The following TCTN1 variants were observed in gnomAD, a reference collection of about 807,000 sequenced individuals.
TCTN1 encodes tectonic family member 1, also known as tectonic-1.
In TCTN1, 58 loss-of-function variants were observed where a neutral mutation model predicts 65.8. That is an observed-to-expected ratio of 0.88 (90% CI 0.71 to 1.10). The LOEUF is 1.10. Among genes scored for constraint, TCTN1 ranks in the 50% least tolerant of loss-of-function variants. TCTN1 has a pLI of 0.00. For missense variants in TCTN1, 645 were observed against 719.4 expected (o/e 0.90, Z 1.18); for synonymous variants, 273 against 289.1 (o/e 0.94, Z 0.57).
chr12:110,647,894 G>A lies in TCTN1; in HGVS notation c.*1+1G>A, dbSNP rs1012449234. 5 of 1,613,056 alleles carry A rather than the reference G, an allele frequency of 3.1e-6. No individual in the cohort carries two copies. Among genetic ancestry groups the A allele is most frequent in the Non-Finnish European group, 3.4e-6 (4 of 1,179,944 alleles). On this transcript the variant is annotated splice_donor_variant, in intron 14 of 14. Transcript: ENST00000397659. LOFTEE classifies it low-confidence loss of function (3UTR_SPLICE). ...AACTTCTTCTTCCCGTTTGTTTGAC[G>A]TAAGTGAGGAAACTACGCCCCTCCT...
intron 3 of TCTN1, among the ~76,000 whole-genome samples, chr12:110,627,623 G>A (rs1565974184): frequency 1.3e-5 from 2 of 152,044 alleles, no homozygotes; most frequent in East Asian, 1.9e-4. Flanking sequence ...ATATACATGT[G>A]TTTTTTTAAC....
chr12:110,638,407 A>G (rs1223623190), intron 7 of TCTN1, among the ~76,000 whole-genome samples: 1 of 152,242 alleles, frequency 6.6e-6, no homozygotes, highest in East Asian at 1.9e-4. Context: ...GATCAGGAGT[A>G]TAGAAATTGG....
In TCTN1 at chr12:110,614,208, T is replaced by C. The variant is rs2135827022; in HGVS notation, c.26T>C (p.Leu9Pro). 1.3e-6 allele frequency: 2 copies of C among 1,578,998 alleles called. No homozygotes were observed. The highest frequency in any genetic ancestry group is 1.7e-6 in the Non-Finnish European group (2 of 1,163,432). Residue 9 changes from leucine (L) to proline (P), a missense_variant, in exon 1 of 15, where the codon CTC (leucine) becomes CCC (proline). Physicochemically the swap from Leu to Pro is moderately conservative, Grantham distance 98 (BLOSUM62 -3). Transcript: ENST00000397659. ...ATGAGGCCGCGAGGTCTCCCGCCGC[T>C]CCTGGTGGTGCTCCTGGGCTGCTGG... is the stretch of plus-strand genomic sequence containing the variant. MRPRGLPP[L>P]LVVLLGCWAS...
chr12:110,626,575 A>G (rs1350674671), intron 3 of TCTN1, 83 bp downstream of exon 3: 3 of 1,400,254 alleles, frequency 2.1e-6, no homozygotes, highest in Middle Eastern at 2.4e-4. Context: ...GATTTATTTT[A>G]TAATTATGAT....
In TCTN1 at chr12:110,644,972, C is replaced by T. The variant is rs758597122; in HGVS notation, c.1337C>T (p.Thr446Ile). 2 of 1,614,266 alleles carry T rather than the reference C, an allele frequency of 1.2e-6. No homozygotes were observed. Among genetic ancestry groups the T allele is most frequent in the South Asian group, 2.2e-5 (2 of 91,088 alleles). ...TMQSGCKLRL[T>I]GALPCQLVAQ... ...CTTCTTTTTCCTTCACCAAGACTGA[C>T]TGGAGCTCTCCCGTGTCAGCTCGTA... Residue 446 changes from threonine to isoleucine, a missense_variant, in exon 12 of 15, where the codon ACT becomes ATT. Transcript: ENST00000397659. The surrounding 1 kb of genome is among the most constrained non-coding windows in gnomAD (Gnocchi z 4.6).
rs1210794175 is a variant in TCTN1 at position 110,614,402 on chromosome 12, G to A, written c.220G>A (p.Val74Ile). The change falls in exon 1 of 15, where the codon GTT becomes ATT. Residue 74 changes from valine to isoleucine, a missense_variant and splice_region_variant. By Grantham distance (29) the Val-to-Ile change is conservative (BLOSUM62 3). Transcript: ENST00000397659. ...SGPRPTPVTD[V>I]AVLCVCDLSP... ...CCCCAGGCCTACCCCAGTCACGGAC[G>A]GTGGGTACCATGTGCCAGCTCCTGG... 3.1e-6 allele frequency: 5 copies of A among 1,593,430 alleles called. No homozygotes were observed. Among genetic ancestry groups the A allele is most frequent in the African/African-American group, 2.7e-5 (2 of 74,774 alleles).
chr12:110,616,437 G>A (rs2065043026), intron 1 of TCTN1: 1 of 272,714 alleles, frequency 3.7e-6, no homozygotes, highest in Non-Finnish European at 7.7e-6. Context: ...TGTAGGGACG[G>A]GGTTTCACCA....
At chr12:110,632,945 G>A (rs2066328000) in intron 5 of TCTN1, among the ~76,000 whole-genome samples, 1 of 152,190 alleles carries the variant, frequency 6.6e-6, no homozygotes, top group African/African-American at 2.4e-5. Flanking sequence ...AGCACATATT[G>A]TGTGCTGGGT....
At chr12:110,620,332 C>T (rs556227312) in intron 2 of TCTN1, among the ~76,000 whole-genome samples, 42 of 151,824 alleles carry the variant, frequency 2.8e-4, no homozygotes, top group Middle Eastern at 3.4e-3. Flanking sequence ...GGCGTGAACC[C>T]GGGAGGCAGA....
chr12:110,635,176 T>C (rs1302650777), intron 6 of TCTN1, among the ~76,000 whole-genome samples: 2 of 152,188 alleles, frequency 1.3e-5, no homozygotes, highest in Non-Finnish European at 2.9e-5. Context: ...ATCCACTTTC[T>C]GGTTGGCAGA....
chr12:110,626,069 G>GCTTT (rs1296329343), intron 2 of TCTN1, among the ~76,000 whole-genome samples: 6 of 150,686 alleles, frequency 4.0e-5, no homozygotes, highest in Non-Finnish European at 8.9e-5. Context: ...ATTCTAATAT[G>GCTTT]CTTTCTTTTT....
Position 110,649,075 on chromosome 12 carries a change from C to G in TCTN1, c.*34C>G, listed in dbSNP as rs959194524. On this transcript the variant is annotated 3_prime_UTR_variant, in exon 15 of 15. Coordinates refer to ENST00000397659, the MANE Select transcript of TCTN1 (RefSeq NM_001082538.3). ...AGATGCATCAGTTCCTTAATATACA[C>G]GTGAAATTTGAAAACTGTACATTCG... 2 of 574,806 alleles carry G rather than the reference C, an allele frequency of 3.5e-6. No homozygotes were observed. Among genetic ancestry groups the G allele is most frequent in the Non-Finnish European group, 6.6e-6 (2 of 305,310 alleles). The allele number at this position is 574,806 out of a possible 1,614,324, so 35.6% of individuals were successfully genotyped here.
intron 3 of TCTN1, among the ~76,000 whole-genome samples, chr12:110,628,515 A>G (rs1363235546): frequency 6.6e-6 from 1 of 151,760 alleles, no homozygotes; most frequent in Non-Finnish European, 1.5e-5. Flanking sequence ...TAATTTTTGT[A>G]TTTTTAGTAG....
chr12:110,614,560 C>T (rs1320956855), intron 1 of TCTN1, 158 bp downstream of exon 1: 5 of 1,417,484 alleles, frequency 3.5e-6, no homozygotes, highest in Non-Finnish European at 3.8e-6. Flanking sequence ...AAACAATAAC[C>T]CTGAGAAGTA....
Position 110,647,229 on chromosome 12 carries a change from GGGGCTTT to G in TCTN1, c.1531_1537del (p.Ala511LeufsTer2), listed in dbSNP as rs1270642844. 8.7e-6 allele frequency: 14 copies of G among 1,614,052 alleles called. No homozygotes were observed. The highest frequency in any genetic ancestry group is 9.3e-6 in the Non-Finnish European group (11 of 1,180,034). ...TTTGCAGGATTCCTGCCAGCTCCCA[GGGGCTTT>G]GGTTATAGAAGTGAAGTGGACTAAA... On this transcript the variant is annotated frameshift_variant, in exon 13 of 15. Coordinates refer to ENST00000397659, the MANE Select transcript of TCTN1 (RefSeq NM_001082538.3). LOFTEE classifies it high-confidence loss of function.
rs2136013871 is a variant in TCTN1 at position 110,629,490 on chromosome 12, A to G, written c.624+572A>G. ...TTAAGTGGCCAACGAACCTATGAAA[A>G]AAGGCTCATCATCACTGGTCATTAG... is the stretch of plus-strand genomic sequence containing the variant. On this transcript the variant is annotated intron_variant, in intron 4 of 14. Transcript: ENST00000397659. 2.0e-5 allele frequency: 3 copies of G among 152,576 alleles called. No individual in the cohort carries two copies. The South Asian group carries it at 6.2e-4, about 32-fold the overall frequency. The allele number at this position is 152,576 out of a possible 1,614,324, so 9.5% of individuals were successfully genotyped here. A position where few individuals can be genotyped will look rare whatever the true frequency, so the allele number is the denominator to read the frequency against.
At chr12:110,620,976 C>T (rs963240454) in intron 2 of TCTN1, among the ~76,000 whole-genome samples, 19 of 151,968 alleles carry the variant, frequency 1.3e-4, no homozygotes, top group African/African-American at 3.6e-4. Flanking sequence ...CGATGCCTGG[C>T]GTATTTTTAG....
At chr12:110,616,666 C>T (rs1406837904) in intron 1 of TCTN1, 1 of 153,228 alleles carries the variant, frequency 6.5e-6, no homozygotes, top group Non-Finnish European at 1.5e-5. Flanking sequence ...TGATGTATCT[C>T]ATTTAATCCT....
rs891334146 is a variant in TCTN1, at chr12:110,625,702, G to T, written c.342-660G>T. 6 of 150,984 alleles carry T rather than the reference G, an allele frequency of 4.0e-5. No individual in the cohort carries two copies. The South Asian group carries it at 6.3e-4, about 16-fold the overall frequency. The allele number at this position is 150,984 out of a possible 1,614,324, so 9.4% of individuals were successfully genotyped here. On this transcript the variant is annotated intron_variant, in intron 2 of 14. Coordinates refer to ENST00000397659, the MANE Select transcript of TCTN1 (RefSeq NM_001082538.3). ...AGAGGTTGCAGTGACCCGAGATCGT[G>T]CCACTGCACTCCAGCCTGGGAGAGT...
Sources: gnomAD v4.1 joint callset for allele counts (sites outside exome capture counted in the v4.1 genomes callset) on GRCh38, gnomAD v4.1.1 for gene constraint, Gnocchi (gnomAD v3.1) non-coding constraint, MANE v1.5 for transcripts, NCBI Gene and HGNC (gene_info 2026-07-23, HGNC 2026-07-21) for gene names.